Variants in CFAP92 observed in about 807,000 individuals in gnomAD.
The protein encoded by CFAP92 is uncharacterized protein CFAP92.
In CFAP92, 86 loss-of-function variants were observed where a neutral mutation model predicts 106.3. The observed-to-expected ratio is 0.81, with a 90% CI of 0.68 to 0.97. The LOEUF (loss-of-function observed/expected upper bound fraction) is 0.97, where lower values mean the gene tolerates loss of function less well. CFAP92 is among the 50% of genes least tolerant of loss of function. The pLI is 0.00. For missense variants in CFAP92, 1,204 were observed against 1,283.8 expected, an observed-to-expected ratio of 0.94 and a Z score of 0.95; for synonymous variants, 477 against 506.4, an observed-to-expected ratio of 0.94 and a Z score of 0.78.
chr3:129,007,383 C>A (rs1559957482), upstream of CFAP92, among the ~76,000 whole-genome samples: 1 of 152,294 alleles, frequency 6.6e-6, no homozygotes, highest in East Asian at 1.9e-4. Flanking sequence ...CAGTAGAGCC[C>A]CATCACACCC....
chr3:128,987,929 C>T (rs747492247), intron 3 of CFAP92, 100 bp from the exon 4 acceptor site: 40 of 946,584 alleles, frequency 4.2e-5, no homozygotes, highest in Non-Finnish European at 5.9e-5. Flanking sequence ...TCAGCAGCAG[C>T]GCTGCCTGAC....
At chr3:128,975,220 C>T (rs1055891870) in intron 7 of CFAP92, among the ~76,000 whole-genome samples, 1 of 152,198 alleles carries the variant, frequency 6.6e-6, no homozygotes, top group South Asian at 2.1e-4. Flanking sequence ...CAACATACCA[C>T]GTACCTACCC....
intron 8 of CFAP92, chr3:128,969,708 C>T (rs183357971): frequency 6.6e-6 from 1 of 152,188 alleles, no homozygotes; most frequent in Admixed American, 6.5e-5. Context: ...CCATGGTACG[C>T]TCCCCCAGGA....
rs1015442129 is a variant in CFAP92, at chr3:128,945,871, G to A, written c.1458C>T (p.Asn486=). ...HGTHVYFQDI[N]VIFLGALHPS... is the part of the protein sequence containing the mutation. ...GGTGCAGTGCCCCAAGGAAGATGAC[G>A]TTGATGTCCTGGAAATAAACGTGGG... Residue 486 remains asparagine (N), a synonymous_variant, in exon 10 of 16, where the codon AAC becomes AAT. Transcript: ENST00000645291. 26 of 1,480,106 alleles carry A rather than the reference G, an allele frequency of 1.8e-5. No individual in the cohort carries two copies. Among genetic ancestry groups the A allele is most frequent in the Middle Eastern group, 1.8e-4 (1 of 5,702 alleles). The allele number at this position is 1,480,106 out of a possible 1,614,324, so 91.7% of individuals were successfully genotyped here.
At chr3:129,011,704 A>G in the CFAP92 span, among the ~76,000 whole-genome samples, 1 of 152,120 alleles carries the variant, frequency 6.6e-6, no homozygotes, top group African/African-American at 2.4e-5. Flanking sequence ...GTGGCTGATC[A>G]GTGGTGTCCC....
At chr3:129,004,143 G>A (rs556659620), upstream of CFAP92, 8 of 1,390,552 alleles carry the variant, frequency 5.8e-6, no homozygotes, top group East Asian at 2.5e-4. Flanking sequence ...CAAACTTCGG[G>A]TGTGCAATCC....
At chr3:128,988,121 T>C (rs1324151372) in intron 3 of CFAP92, among the ~76,000 whole-genome samples, 6 of 152,262 alleles carry the variant, frequency 3.9e-5, no homozygotes, top group Non-Finnish European at 8.8e-5. Flanking sequence ...GGAGTGTGTG[T>C]GTGCAGGTAG....
chr3:128,939,610 T>C (rs1482496139), intron 10 of CFAP92, among the ~76,000 whole-genome samples: 1 of 152,106 alleles, frequency 6.6e-6, no homozygotes, highest in African/African-American at 2.4e-5. Flanking sequence ...TCGCTCCGTA[T>C]ACTCCCAACC....
upstream of CFAP92, among the ~76,000 whole-genome samples, chr3:128,998,149 C>G (rs769002093): frequency 3.4e-4 from 51 of 152,116 alleles, no homozygotes; most frequent in Non-Finnish European, 4.0e-4. Context: ...GATTGTTTGT[C>G]TTCTTGTTAC....
chr3:128,915,422 G>A lies in CFAP92; in HGVS notation c.3058C>T (p.Leu1020Phe), dbSNP rs894411955. ...LTARGFQVTG[L>F]QSDTESSFQD... is the part of the protein sequence containing the mutation. ...AAGCTGCTTTCGGTGTCGCTCTGAA[G>A]ACCTGTCACTTGGAATCCCCTGGCT... Residue 1020 changes from leucine to phenylalanine, a missense_variant, in exon 14 of 16, where the codon CTT (leucine) becomes TTT (phenylalanine). Transcript: ENST00000645291. The A allele has an allele frequency of 3.3e-6, 5 of 1,536,012 alleles. No homozygotes were observed. In the South Asian group the frequency reaches 4.8e-5, roughly 15 times the overall value.
the CFAP92 span, among the ~76,000 whole-genome samples, chr3:129,023,310 C>CTTTT: frequency 1.4e-5 from 2 of 138,170 alleles, no homozygotes; most frequent in African/African-American, 5.3e-5. Context: ...CCTCTTGCTT[C>CTTTT]TTTTTTTTTT....
intron 12 of CFAP92, among the ~76,000 whole-genome samples, chr3:128,923,249 G>A (rs185105511): frequency 1.8e-3 from 279 of 152,326 alleles, no homozygotes; most frequent in Non-Finnish European, 3.0e-3. Context: ...CCCCCAGTAC[G>A]AGCCATGGGC....
chr3:129,003,376 C>A, upstream of CFAP92: 1 of 780,234 alleles, frequency 1.3e-6, no homozygotes, highest in Non-Finnish European at 1.6e-6. Context: ...CCCTCAAAAG[C>A]CTCTAGTGAG....
chr3:128,912,527 G>A lies in CFAP92; in HGVS notation c.3281-2194C>T, dbSNP rs1484341169. On this transcript the variant is annotated intron_variant, in intron 15 of 15. Transcript: ENST00000645291. The stretch of plus-strand genomic sequence containing the variant: ...CCCAGATGCTCCAGAAAACCTAGAT[G>A]AGCAGATTAAGAAAGTGTCCCAGCA... 2.5e-6 allele frequency: 4 copies of A among 1,613,646 alleles called. No homozygotes were observed. The highest frequency in any genetic ancestry group is 2.2e-5 in the East Asian group (1 of 44,870).
chr3:128,965,305 T>C (rs1217149939), intron 9 of CFAP92, among the ~76,000 whole-genome samples: 1 of 152,158 alleles, frequency 6.6e-6, no homozygotes, highest in Non-Finnish European at 1.5e-5. Context: ...CTGACTCTCT[T>C]TTCGGACTCA....
chr3:128,993,405 T>G, intron 1 of CFAP92, 69 bp from the exon 2 acceptor site: 3 of 1,470,714 alleles, frequency 2.0e-6, no homozygotes, highest in Non-Finnish European at 2.7e-6. Context: ...AAGCCCGGCC[T>G]CCTGCAGAAG....
chr3:128,951,602 G>C (rs746106101), intron 9 of CFAP92, among the ~76,000 whole-genome samples: 1 of 152,184 alleles, frequency 6.6e-6, no homozygotes, highest in Non-Finnish European at 1.5e-5. Flanking sequence ...ATTCCGGACT[G>C]AGTGCTGGAG....
chr3:128,986,389 G>A (rs1156860600), intron 4 of CFAP92, among the ~76,000 whole-genome samples: 2 of 152,042 alleles, frequency 1.3e-5, no homozygotes, highest in South Asian at 2.1e-4. Context: ...ACAGGAGCAC[G>A]TCACCATGCT....
the CFAP92 span, among the ~76,000 whole-genome samples, chr3:129,017,506 T>C: frequency 2.6e-5 from 4 of 152,164 alleles, no homozygotes; most frequent in Non-Finnish European, 5.9e-5. Flanking sequence ...GGAAAGCCCG[T>C]TCCAGTGTTG....
Sources: allele counts gnomAD v4.1 joint callset (sites outside exome capture counted in the v4.1 genomes callset), GRCh38; gene constraint gnomAD v4.1.1; transcripts MANE v1.5; gene names NCBI Gene and HGNC (gene_info 2026-07-23, HGNC 2026-07-21).